Variants in MSI2 observed in about 807,000 individuals in gnomAD.
MSI2 encodes musashi RNA binding protein 2.
A neutral mutation model predicts 45.6 loss-of-function variants in MSI2; 17 were observed. The observed-to-expected ratio is 0.37, with a 90% CI of 0.26 to 0.56. The LOEUF (loss-of-function observed/expected upper bound fraction) is 0.56, where lower values mean the gene tolerates loss of function less well. MSI2 is among the 20% of genes least tolerant of loss of function. MSI2 has a pLI of 0.77. For missense variants in MSI2, 293 were observed against 444.2 expected (o/e 0.66, Z 3.06); for synonymous variants, 156 against 158.2 (o/e 0.99, Z 0.11).
At chr17:57,284,701 G>A (rs1356285816) in intron 5 of MSI2, among the ~76,000 whole-genome samples, 5 of 152,172 alleles carry the variant, frequency 3.3e-5, no homozygotes, top group Non-Finnish European at 7.4e-5. Context: ...GTCTCCTAGT[G>A]TAGAGTTGAT....
intron 5 of MSI2, among the ~76,000 whole-genome samples, chr17:57,353,985 C>T (rs1442840707): frequency 6.6e-6 from 1 of 152,004 alleles, no homozygotes; most frequent in East Asian, 1.9e-4. Context: ...AAAACATTTA[C>T]GGAGAATTTT....
chr17:57,465,103 A>G (rs1598300612), intron 6 of MSI2, among the ~76,000 whole-genome samples: 1 of 152,164 alleles, frequency 6.6e-6, no homozygotes, highest in East Asian at 1.9e-4. Flanking sequence ...ATGTGATATT[A>G]TTATCCTTTT....
In MSI2 at chr17:57,487,129, G is replaced by C. The variant is rs185126992; in HGVS notation, c.406-42547G>C. Among the ~76,000 whole-genome samples, 75 of 152,318 alleles carry C rather than the reference G, an allele frequency of 4.9e-4. 1 individual carries two copies. Among genetic ancestry groups the C allele is most frequent in the South Asian group, 1.9e-3 (9 of 4,822 alleles). The stretch of plus-strand genomic sequence containing the variant: ...GAAGTACAGAAGTGGGAAGTGCAGG[G>C]GACTTCAGATCACGGGGTGAGGGAG... On this transcript the variant is annotated intron_variant, in intron 6 of 13. Coordinates refer to ENST00000284073, the MANE Select transcript of MSI2 (RefSeq NM_138962.4).
intron 6 of MSI2, among the ~76,000 whole-genome samples, chr17:57,489,357 G>A (rs1300705375): frequency 2.0e-5 from 3 of 152,206 alleles, no homozygotes; most frequent in Admixed American, 1.3e-4. Flanking sequence ...GAGGGCTGGA[G>A]ACTTTGGGGG....
At chr17:57,285,475 C>T (rs927000803) in intron 5 of MSI2, among the ~76,000 whole-genome samples, 1 of 152,194 alleles carries the variant, frequency 6.6e-6, no homozygotes, top group Non-Finnish European at 1.5e-5. Flanking sequence ...ATTGTCTCAG[C>T]GTTCGCTGGT....
chr17:57,449,802 CAGATCATGAGGTCAGG>C (rs2084962718), intron 6 of MSI2: 1 of 152,094 alleles, frequency 6.6e-6, no homozygotes, highest in South Asian at 2.1e-4. Flanking sequence ...CCCAGGCAGG[CAGATCATGAGGTCAGG>C]AGATCAAGAC....
At chr17:57,345,903 A>G (rs1915558589) in intron 5 of MSI2, among the ~76,000 whole-genome samples, 1 of 151,556 alleles carries the variant, frequency 6.6e-6, no homozygotes, top group African/African-American at 2.4e-5. Flanking sequence ...CTGTTCTAGG[A>G]CATCATTTAC....
At position 57,667,364 on chromosome 17, in the gene MSI2, G is replaced by A. The variant is rs536099738; in HGVS notation, c.791-7608G>A. Reference sequence around the variant, plus strand: ...TTGGTTTTCCCTCCTCTTCTGAAGCGCTTTAGAGACTCAGGGTAAGGTGTT... The same window carrying A: ...TTGGTTTTCCCTCCTCTTCTGAAGCACTTTAGAGACTCAGGGTAAGGTGTT... On this transcript the variant is annotated intron_variant, in intron 11 of 13. Transcript: ENST00000284073. Among the ~76,000 whole-genome samples, 22 of 152,182 alleles carry A rather than the reference G, an allele frequency of 1.4e-4. No individual in the cohort carries two copies. The East Asian group carries it at 1.7e-3, about 12-fold the overall frequency.
intron 7 of MSI2, among the ~76,000 whole-genome samples, chr17:57,539,508 A>G (rs2086994811): frequency 7.6e-6 from 1 of 130,730 alleles, no homozygotes; most frequent in South Asian, 2.4e-4. Context: ...CCTAGCCAAC[A>G]GGGTGAAACC....
At chr17:57,312,711 T>C (rs1912499903) in intron 5 of MSI2, among the ~76,000 whole-genome samples, 1 of 152,190 alleles carries the variant, frequency 6.6e-6, no homozygotes. Flanking sequence ...CTCTGCTCTT[T>C]GCTTGTGAAG....
intron 7 of MSI2, among the ~76,000 whole-genome samples, chr17:57,546,704 C>A (rs918179341): frequency 2.6e-5 from 4 of 152,212 alleles, no homozygotes; most frequent in Admixed American, 6.5e-5. Flanking sequence ...CATGTGTTCC[C>A]TTTGGGTTTC....
chr17:57,607,284 TAACAGGTCTCTCAATGCCTTTTGCA>T (rs1906710287), intron 8 of MSI2, among the ~76,000 whole-genome samples: 1 of 152,230 alleles, frequency 6.6e-6, no homozygotes, highest in Non-Finnish European at 1.5e-5. Context: ...ATTATAAATC[TAACAGGTCTCTCAATGCCTTTTGCA>T]AACAGGTCTG....
At chr17:57,533,218 G>T (rs1469580090) in intron 7 of MSI2, among the ~76,000 whole-genome samples, 1 of 152,332 alleles carries the variant, frequency 6.6e-6, no homozygotes, top group South Asian at 2.1e-4. Flanking sequence ...AGGAGCACCA[G>T]CCTGGGGCTC....
At chr17:57,424,323 C>T (rs12949121) in intron 6 of MSI2, among the ~76,000 whole-genome samples, 1 of 152,106 alleles carries the variant, frequency 6.6e-6, no homozygotes, top group African/African-American at 2.4e-5. Flanking sequence ...GATCTTCTAC[C>T]TAGTAGCTCT....
chr17:57,675,955 G>A (rs139404475), intron 12 of MSI2, among the ~76,000 whole-genome samples: 58 of 152,278 alleles, frequency 3.8e-4, no homozygotes, highest in African/African-American at 9.6e-4. Flanking sequence ...CCACTTGCTC[G>A]CTGTCCCTTC....
In MSI2 at chr17:57,498,363, C is replaced by G. The variant is rs545806404; in HGVS notation, c.406-31313C>G. Among the ~76,000 whole-genome samples the G allele has an allele frequency of 2.6e-5, 4 of 152,380 alleles. No individual in the cohort carries two copies. In the South Asian group the frequency reaches 8.3e-4, roughly 32 times the overall value. ...TTTAAATGAGTAGCTAAGTATCTGT[C>G]AAGATGATGAGCACCTAGGCCGCTG... On this transcript the variant is annotated intron_variant, in intron 6 of 13. Transcript: ENST00000284073.
At chr17:57,615,423 G>A (rs368275845) in intron 8 of MSI2, among the ~76,000 whole-genome samples, 23 of 152,138 alleles carry the variant, frequency 1.5e-4, no homozygotes, top group East Asian at 5.8e-4. Context: ...GATCCCCCAC[G>A]CCCAGCCAAC....
At chr17:57,628,511 C>G (rs1036283808) in intron 10 of MSI2, 1 of 152,274 alleles carries the variant, frequency 6.6e-6, no homozygotes, top group African/African-American at 2.4e-5. Context: ...AAGCTCTTGT[C>G]CTGTCTCCGA....
intron 5 of MSI2, among the ~76,000 whole-genome samples, chr17:57,282,335 C>T (rs1171069062): frequency 6.6e-6 from 1 of 152,182 alleles, no homozygotes; most frequent in African/African-American, 2.4e-5. Context: ...AGCCTTGCTG[C>T]TCCTCCAAGG....
Sources: gnomAD v4.1 joint callset for allele counts (sites outside exome capture counted in the v4.1 genomes callset) on GRCh38, gnomAD v4.1.1 for gene constraint, MANE v1.5 for transcripts, NCBI Gene and HGNC (gene_info 2026-07-23, HGNC 2026-07-21) for gene names.